The following SUSD5 variants were observed in gnomAD, a reference collection of about 807,000 sequenced individuals.
The protein encoded by SUSD5 is sushi domain-containing protein 5.
In SUSD5, 33 loss-of-function variants were observed where a neutral mutation model predicts 29.5. That is an observed-to-expected ratio of 1.12 (90% CI 0.85 to 1.49). The LOEUF is 1.49. SUSD5 is among the 40% of genes most tolerant of loss of function. The pLI is 0.00. For missense variants in SUSD5, 776 were observed against 800.6 expected (o/e 0.97, Z 0.37); for synonymous variants, 308 against 325.3 (o/e 0.95, Z 0.57).
At chr3:33,166,483 T>A (rs1429279792) in intron 4 of SUSD5, among the ~76,000 whole-genome samples, 2 of 152,306 alleles carry the variant, frequency 1.3e-5, no homozygotes, top group East Asian at 3.9e-4. Context: ...CTCACCAGAA[T>A]GCTGGGAACA....
In SUSD5 at chr3:33,175,046, G is replaced by A. The variant is rs760436763; in HGVS notation, c.438C>T (p.Phe146=). The A allele has an allele frequency of 6.2e-7, 1 of 1,614,002 alleles. No individual in the cohort carries two copies. The highest frequency in any genetic ancestry group is 8.5e-7 in the Non-Finnish European group (1 of 1,179,884). Residue 146 remains phenylalanine (F), a synonymous_variant, in exon 4 of 5, where the codon TTC becomes TTT. Transcript: ENST00000309558. Reference sequence around the variant, plus strand: ...TGCGGCCCTGCAGGATGGTGTGTGGGAACGAAGGCGGGTCTCCACACGGCT... The same window carrying A: ...TGCGGCCCTGCAGGATGGTGTGTGGAAACGAAGGCGGGTCTCCACACGGCT... ...EEKPCGDPPS[F]PHTILQGRTG...
chr3:33,166,555 G>A (rs554552235), intron 4 of SUSD5, among the ~76,000 whole-genome samples: 56 of 152,190 alleles, frequency 3.7e-4, no homozygotes, highest in African/African-American at 1.3e-3. Flanking sequence ...CCCTGCTCTC[G>A]CCACACAGCC....
chr3:33,154,198 C>A (rs970860684), intron 4 of SUSD5, among the ~76,000 whole-genome samples, 165 bp from the exon 5 acceptor site: 2 of 152,170 alleles, frequency 1.3e-5, no homozygotes, highest in African/African-American at 4.8e-5. Flanking sequence ...AAATAATCTA[C>A]ATATGAATAT....
At chr3:33,203,898 T>C (rs78487781) in intron 3 of SUSD5, among the ~76,000 whole-genome samples, 2,421 of 152,248 alleles carry the variant, frequency 0.016, 65 homozygotes, top group African/African-American at 0.055. Flanking sequence ...GAGAAGTATG[T>C]AGACCATTTG....
chr3:33,214,680 A>G (rs1559459145), intron 1 of SUSD5, among the ~76,000 whole-genome samples: 1 of 152,182 alleles, frequency 6.6e-6, no homozygotes, highest in Non-Finnish European at 1.5e-5. Flanking sequence ...CCTATAGCAC[A>G]TTAATATATG....
At chr3:33,158,257 T>C (rs561329457) in intron 4 of SUSD5, among the ~76,000 whole-genome samples, 13 of 152,288 alleles carry the variant, frequency 8.5e-5, no homozygotes, top group Admixed American at 3.3e-4. Context: ...CTTGTACCCA[T>C]AGTCTCTCAT....
intron 3 of SUSD5, among the ~76,000 whole-genome samples, chr3:33,195,753 A>AAC (rs1355678255): frequency 7.2e-5 from 11 of 151,938 alleles, no homozygotes; most frequent in Non-Finnish European, 1.5e-4. Flanking sequence ...TGAAAAAAAA[A>AAC]AAAACAGAAT....
intron 3 of SUSD5, among the ~76,000 whole-genome samples, chr3:33,191,138 T>G (rs2031881859): frequency 6.6e-6 from 1 of 151,944 alleles, no homozygotes; most frequent in South Asian, 2.1e-4. Context: ...ATACTTTGTT[T>G]TTTTTTTTTG....
chr3:33,159,033 C>T (rs945349258), intron 4 of SUSD5, among the ~76,000 whole-genome samples: 1 of 152,210 alleles, frequency 6.6e-6, no homozygotes, highest in Non-Finnish European at 1.5e-5. Flanking sequence ...CATTCATTTT[C>T]TTTCAGGTCA....
In SUSD5 at chr3:33,153,479, C is replaced by G; in HGVS notation, c.1153G>C (p.Glu385Gln). ...PVTEGAWRKT[E>Q]AEEEEDGDRG... ...TCCCCATCTTCTTCCTCTTCTGCCT[C>G]TGTCTTCCTCCAAGCCCCCTCTGTC... The change falls in exon 5 of 5, where the codon GAG becomes CAG. Residue 385 changes from glutamate (E) to glutamine (Q), a missense_variant. Glu to Gln is a conservative substitution (Grantham distance 29). Transcript: ENST00000309558. 2 of 1,614,134 alleles carry G rather than the reference C, an allele frequency of 1.2e-6. No homozygotes were observed. The highest frequency in any genetic ancestry group is 1.7e-6 in the Non-Finnish European group (2 of 1,180,004).
intron 4 of SUSD5, among the ~76,000 whole-genome samples, chr3:33,154,515 TCAAAAACAACAACAA>T (rs1182509362): frequency 6.6e-6 from 1 of 151,862 alleles, no homozygotes; most frequent in African/African-American, 2.4e-5. Flanking sequence ...AGAGTGAGAC[TCAAAAACAACAACAA>T]CAAAAACAAC....
chr3:33,214,067 C>T lies in SUSD5; in HGVS notation c.151G>A (p.Gly51Ser), dbSNP rs774396518. ...FVLESQNGSQ[G>S]LQLEAARLSC... ...AGCCGAGCAGCCTCCAGTTGTAGGC[C>T]CTGAGAGCCATTCTGAGACTCCAGC... The change falls in exon 2 of 5, where the codon GGC becomes AGC. Residue 51 changes from glycine to serine, a missense_variant. Physicochemically the swap from Gly to Ser is moderately conservative, Grantham distance 56. Coordinates refer to ENST00000309558, the MANE Select transcript of SUSD5 (RefSeq NM_015551.2). The T allele has an allele frequency of 6.2e-6, 10 of 1,612,438 alleles. No individual in the cohort carries two copies. Among genetic ancestry groups the T allele is most frequent in the East Asian group, 2.2e-5 (1 of 44,864 alleles).
intron 2 of SUSD5, among the ~76,000 whole-genome samples, chr3:33,213,196 T>TCAGAGTTCGAGACCAGCCTGGG (rs1256249026): frequency 2.6e-5 from 4 of 151,946 alleles, no homozygotes; most frequent in Non-Finnish European, 4.4e-5. Context: ...TTGCTTGAGG[T>TCAGAGTTCGAGACCAGCCTGGG]CAGAGTTCGA....
intron 3 of SUSD5, among the ~76,000 whole-genome samples, chr3:33,200,859 C>A (rs1386072235): frequency 1.3e-5 from 2 of 152,110 alleles, no homozygotes; most frequent in Non-Finnish European, 2.9e-5. Context: ...GCAGAACTTG[C>A]AAGCCATGAA....
chr3:33,181,501 T>C (rs1477236454), intron 3 of SUSD5, among the ~76,000 whole-genome samples: 1 of 151,980 alleles, frequency 6.6e-6, no homozygotes, highest in Admixed American at 6.6e-5. Flanking sequence ...TCCTCCTGTG[T>C]AGCTGAGACC....
chr3:33,176,828 C>T (rs772775402), intron 3 of SUSD5, among the ~76,000 whole-genome samples: 11 of 152,144 alleles, frequency 7.2e-5, no homozygotes, highest in Admixed American at 3.9e-4. Flanking sequence ...TCCAATTGTT[C>T]CAGCAGTTAT....
intron 3 of SUSD5, among the ~76,000 whole-genome samples, chr3:33,203,426 G>A (rs1401751913): frequency 6.6e-6 from 1 of 152,170 alleles, no homozygotes; most frequent in Non-Finnish European, 1.5e-5. Context: ...GCCCTGCAGG[G>A]CCAAGGCTCC....
intron 4 of SUSD5, among the ~76,000 whole-genome samples, chr3:33,166,134 A>G (rs1254114454): frequency 6.6e-6 from 1 of 152,198 alleles, no homozygotes; most frequent in Non-Finnish European, 1.5e-5. Context: ...TCTGGGACGG[A>G]CAGTTAGCAT....
chr3:33,164,205 T>C (rs540522781), intron 4 of SUSD5, among the ~76,000 whole-genome samples: 12 of 152,226 alleles, frequency 7.9e-5, no homozygotes, highest in Non-Finnish European at 1.2e-4. Flanking sequence ...GATATAGATA[T>C]ATAGTTTCCT....
Sources: allele counts gnomAD v4.1 joint callset (sites outside exome capture counted in the v4.1 genomes callset), GRCh38; gene constraint gnomAD v4.1.1; transcripts MANE v1.5; gene names NCBI Gene and HGNC (gene_info 2026-07-23, HGNC 2026-07-21).